Variants in MKLN1 observed in about 807,000 individuals in gnomAD.
The protein encoded by MKLN1 is muskelin 1, also known as muskelin.
A neutral mutation model predicts 99.0 loss-of-function variants in MKLN1; 18 were observed. That is an observed-to-expected ratio of 0.18 (90% confidence interval 0.13 to 0.27). MKLN1 has a LOEUF of 0.27. Ranked by LOEUF, MKLN1 falls within the 10% of genes least tolerant of loss-of-function variation. The pLI, the probability that MKLN1 is intolerant of heterozygous loss-of-function variation, is 1.00. For synonymous variants in MKLN1, 288 were observed against 293.2 expected (o/e 0.98, Z 0.18); for missense variants, 621 against 875.9 (o/e 0.71, Z 3.67).
At chr7:131,121,638 CAAAAAAAAAAAAAA>C (rs55908773) in intron 1 of MKLN1, among the ~76,000 whole-genome samples, 11 of 72,820 alleles carry the variant, frequency 1.5e-4, no homozygotes, top group Non-Finnish European at 2.4e-4. Flanking sequence ...GACTCCGTCT[CAAAAAAAAAAAAAA>C]AAAAAAAAAA....
chr7:131,169,435 C>G (rs974558857), intron 2 of MKLN1, among the ~76,000 whole-genome samples: 1 of 152,140 alleles, frequency 6.6e-6, no homozygotes, highest in Admixed American at 6.5e-5. Flanking sequence ...TTTGAGACCA[C>G]AAAATTAACA....
At chr7:131,167,391 G>A (rs917955064) in intron 2 of MKLN1, among the ~76,000 whole-genome samples, 5 of 152,160 alleles carry the variant, frequency 3.3e-5, no homozygotes, top group African/African-American at 1.2e-4. Flanking sequence ...GGAAAAGAAG[G>A]CCAGGTATGG....
intron 17 of MKLN1, among the ~76,000 whole-genome samples, chr7:131,481,812 G>GAA (rs1562888119): frequency 1.4e-5 from 1 of 71,576 alleles, no homozygotes. Context: ...TCTAAGGTCT[G>GAA]CAAAAAAAAA....
intron 1 of MKLN1, among the ~76,000 whole-genome samples, chr7:131,352,014 A>G (rs1163790605): frequency 2.0e-5 from 3 of 152,192 alleles, no homozygotes; most frequent in Non-Finnish European, 2.9e-5. Flanking sequence ...ATACAGTTCT[A>G]CTGGAAAAGC....
At chr7:131,343,429 G>C (rs1799467019) in intron 1 of MKLN1, among the ~76,000 whole-genome samples, 1 of 152,078 alleles carries the variant, frequency 6.6e-6, no homozygotes. Flanking sequence ...CTTTTAGTAA[G>C]TCTTTTCAGT....
At position 131,250,953 on chromosome 7, in the gene MKLN1, C is replaced by T. The variant is rs527611700; in HGVS notation, c.-179+47979C>T. Among the ~76,000 whole-genome samples the T allele has an allele frequency of 1.4e-4, 21 of 151,592 alleles. No individual in the cohort carries two copies. The South Asian group carries it at 4.2e-3, about 30-fold the overall frequency. On this transcript the variant is annotated intron_variant, in intron 3 of 7. Transcript: ENST00000416992. ...GGAAGTTAATTTTTTTTTTTGTTTG[C>T]CATGCTAATAGCAGTAATACACAGA...
intron 4 of MKLN1, among the ~76,000 whole-genome samples, chr7:131,390,815 C>A (rs749056265): frequency 6.6e-6 from 1 of 151,980 alleles, no homozygotes. Flanking sequence ...CCAACAGCCA[C>A]GCATTTCTCT....
chr7:131,393,190 A>G (rs1794257727), intron 4 of MKLN1, among the ~76,000 whole-genome samples: 1 of 152,202 alleles, frequency 6.6e-6, no homozygotes, highest in Non-Finnish European at 1.5e-5. Flanking sequence ...GAATCCTAGA[A>G]TACAAACTGC....
chr7:131,155,850 C>T (rs1451634455), intron 2 of MKLN1, among the ~76,000 whole-genome samples: 1 of 152,152 alleles, frequency 6.6e-6, no homozygotes, highest in African/African-American at 2.4e-5. Flanking sequence ...CACGTCGCTT[C>T]TCAGAGTTAG....
chr7:131,438,223 A>G (rs1795729609), intron 10 of MKLN1, among the ~76,000 whole-genome samples: 1 of 151,990 alleles, frequency 6.6e-6, no homozygotes, highest in African/African-American at 2.4e-5. Context: ...TAGACTGTTG[A>G]TTTATAGAAA....
In MKLN1 at chr7:131,495,985, A is replaced by T. The variant is rs903092075; in HGVS notation, c.*8257A>T. 2 of 152,226 alleles carry T rather than the reference A, an allele frequency of 1.3e-5. No homozygotes were observed. The highest frequency in any genetic ancestry group is 1.3e-4 in the Admixed American group (2 of 15,280). The allele number at this position is 152,226 out of a possible 1,614,324, so 9.4% of individuals were successfully genotyped here. A position where few individuals can be genotyped will look rare whatever the true frequency, so the allele number is the denominator to read the frequency against. ...AAAGGATGAGCTATTGTCAAAAGCC[A>T]AAAGAAAAACAGACAAAATGAACAT... On this transcript the variant is annotated 3_prime_UTR_variant, in exon 18 of 18. Transcript: ENST00000352689.
chr7:131,326,612 T>C, upstream of MKLN1, among the ~76,000 whole-genome samples: 1 of 152,240 alleles, frequency 6.6e-6, no homozygotes, highest in Non-Finnish European at 1.5e-5. Flanking sequence ...CCCAACGTGC[T>C]GGGATTACAG....
At chr7:131,407,871 A>G (rs1054411863) in intron 6 of MKLN1, among the ~76,000 whole-genome samples, 21 of 151,552 alleles carry the variant, frequency 1.4e-4, no homozygotes, top group Non-Finnish European at 1.9e-4. Flanking sequence ...CTTAACTCCT[A>G]TTTGCCTTGG....
intron 11 of MKLN1, among the ~76,000 whole-genome samples, chr7:131,445,135 A>C (rs1795971872): frequency 6.6e-6 from 1 of 152,122 alleles, no homozygotes. Flanking sequence ...TATGTATTAA[A>C]ATCATTAGAA....
intron 1 of MKLN1, among the ~76,000 whole-genome samples, chr7:131,133,798 CTT>C (rs35694478): frequency 1.4e-5 from 1 of 69,494 alleles, no homozygotes; most frequent in African/African-American, 5.6e-5. Context: ...AGGTTGACTT[CTT>C]TTTTTTTTTT....
At chr7:131,265,026 A>C (rs775887532) in intron 3 of MKLN1, among the ~76,000 whole-genome samples, 4 of 152,108 alleles carry the variant, frequency 2.6e-5, no homozygotes, top group Non-Finnish European at 5.9e-5. Context: ...TTTTTAGTAG[A>C]GACGGGGTTT....
intron 3 of MKLN1, among the ~76,000 whole-genome samples, chr7:131,257,171 C>T (rs12112916): frequency 0.026 from 3,972 of 151,862 alleles, 169 homozygotes; most frequent in African/African-American, 0.091. Context: ...ACAATCGATA[C>T]TCTTCTCAAT....
chr7:131,220,895 T>C (rs1312580618), intron 3 of MKLN1, among the ~76,000 whole-genome samples: 2 of 152,190 alleles, frequency 1.3e-5, no homozygotes, highest in African/African-American at 4.8e-5. Context: ...ATTTAATTAA[T>C]GATATTATAT....
intron 3 of MKLN1, among the ~76,000 whole-genome samples, chr7:131,306,312 A>G (rs1445593634): frequency 1.3e-5 from 2 of 152,232 alleles, no homozygotes; most frequent in African/African-American, 4.8e-5. Context: ...GATACCTAAA[A>G]ATGTGGAAGT....
Sources: allele counts gnomAD v4.1 joint callset (sites outside exome capture counted in the v4.1 genomes callset), GRCh38; gene constraint gnomAD v4.1.1; transcripts MANE v1.5; gene names NCBI Gene and HGNC (gene_info 2026-07-23, HGNC 2026-07-21).